The following SH2D4B variants were observed in gnomAD, a reference collection of about 807,000 sequenced individuals.
SH2D4B encodes the protein SH2 domain containing 4B.
A neutral mutation model predicts 61.5 loss-of-function variants in SH2D4B; 45 were observed. That is an observed-to-expected ratio of 0.73 (90% CI 0.58 to 0.94). SH2D4B has a LOEUF of 0.94. Among genes scored for constraint, SH2D4B ranks in the 40% least tolerant of loss-of-function variants. SH2D4B has a pLI of 0.00. For synonymous variants in SH2D4B, 224 were observed against 220.4 expected, an observed-to-expected ratio of 1.02 and a Z score of -0.14; for missense variants, 572 against 574.2, an observed-to-expected ratio of 1.00 and a Z score of 0.04.
intron 3 of SH2D4B, among the ~76,000 whole-genome samples, chr10:80,583,354 A>G (rs12258799): frequency 0.098 from 14,984 of 152,134 alleles, 856 homozygotes; most frequent in African/African-American, 0.17. Context: ...GATGAAATCA[A>G]CCAGGAAGTA....
chr10:80,539,858 T>C lies in SH2D4B; in HGVS notation c.184+1343T>C, dbSNP rs1448113510. ...ACACAGCAGGACCCTGCCGGGGAGG[T>C]TGGGGCAGAGCTGTGACTTGGCTGC... On this transcript the variant is annotated intron_variant, in intron 1 of 7. Coordinates refer to ENST00000646907, the MANE Select transcript of SH2D4B (RefSeq NM_001388272.1). The surrounding 1 kb of genome is among the most constrained non-coding windows in gnomAD (Gnocchi z 4.9). 6.6e-6 allele frequency among the ~76,000 whole-genome samples: 1 copy of C among 151,896 alleles called. No homozygotes were observed. Among genetic ancestry groups the C allele is most frequent in the Non-Finnish European group, 1.5e-5 (1 of 67,984 alleles).
chr10:80,595,132 C>T (rs1842371240), intron 4 of SH2D4B, among the ~76,000 whole-genome samples: 1 of 152,210 alleles, frequency 6.6e-6, no homozygotes, highest in Non-Finnish European at 1.5e-5. Context: ...TGCTTCTCAG[C>T]ATTGATGTCT....
intron 1 of SH2D4B, among the ~76,000 whole-genome samples, chr10:80,544,987 C>A (rs1336272959): frequency 2.0e-5 from 3 of 152,198 alleles, no homozygotes; most frequent in East Asian, 3.9e-4. Flanking sequence ...TCACTGGTCA[C>A]CCACTCGCAA....
intron 1 of SH2D4B, among the ~76,000 whole-genome samples, chr10:80,551,461 A>G (rs1841760714): frequency 1.3e-5 from 2 of 152,224 alleles, no homozygotes; most frequent in Admixed American, 1.3e-4. Flanking sequence ...CAGGCAAAGG[A>G]TTAGTATCCA....
At chr10:80,540,749 C>T (rs61861579) in intron 1 of SH2D4B, 4 of 1,407,530 alleles carry the variant, frequency 2.8e-6, no homozygotes, top group Non-Finnish European at 3.9e-6. Context: ...CAGTGCTTGT[C>T]CTGGAGACGG....
chr10:80,612,524 T>C (rs1589357577), intron 6 of SH2D4B, among the ~76,000 whole-genome samples: 1 of 152,270 alleles, frequency 6.6e-6, no homozygotes, highest in East Asian at 1.9e-4. Context: ...ACTGGAAGCA[T>C]GCCAGGCTCT....
rs189123897 is a variant in SH2D4B at position 80,566,787 on chromosome 10, C to T, written c.185-3367C>T. Among the ~76,000 whole-genome samples the T allele has an allele frequency of 9.9e-4, 150 of 152,260 alleles. 1 individual carries two copies. Among genetic ancestry groups the T allele is most frequent in the African/African-American group, 3.3e-3 (139 of 41,540 alleles). ...TGCTTTATCTTTTCCCCTTGCTTAG[C>T]AGGATTGGTAATCCTCTTATCATTT... On this transcript the variant is annotated intron_variant, in intron 1 of 7. Coordinates refer to ENST00000646907, the MANE Select transcript of SH2D4B (RefSeq NM_001388272.1).
chr10:80,639,773 A>T (rs1840256849), intron 7 of SH2D4B, among the ~76,000 whole-genome samples: 1 of 152,120 alleles, frequency 6.6e-6, no homozygotes, highest in Non-Finnish European at 1.5e-5. Flanking sequence ...CATTTAGTCC[A>T]TTTACATTTA....
chr10:80,634,748 G>A (rs1842877447), intron 7 of SH2D4B, among the ~76,000 whole-genome samples: 1 of 152,134 alleles, frequency 6.6e-6, no homozygotes, highest in African/African-American at 2.4e-5. Flanking sequence ...TGGTCCTCAG[G>A]CCTCTTCTCA....
At chr10:80,598,896 T>C (rs989190978) in intron 4 of SH2D4B, among the ~76,000 whole-genome samples, 3 of 152,122 alleles carry the variant, frequency 2.0e-5, no homozygotes, top group Non-Finnish European at 2.9e-5. Flanking sequence ...AAACTGGACA[T>C]TTATCATTGC....
At chr10:80,597,236 A>C (rs1275124698) in intron 4 of SH2D4B, among the ~76,000 whole-genome samples, 1 of 152,192 alleles carries the variant, frequency 6.6e-6, no homozygotes, top group Non-Finnish European at 1.5e-5. Flanking sequence ...ACAATTGTAC[A>C]TCAATTGAGC....
At chr10:80,595,355 C>T (rs890642305) in intron 4 of SH2D4B, among the ~76,000 whole-genome samples, 75 of 152,314 alleles carry the variant, frequency 4.9e-4, no homozygotes, top group African/African-American at 1.6e-3. Context: ...GCTGTCTTTG[C>T]TCTCCAAGCT....
At chr10:80,546,583 T>G (rs866540876) in intron 1 of SH2D4B, among the ~76,000 whole-genome samples, 1 of 150,902 alleles carries the variant, frequency 6.6e-6, no homozygotes, top group South Asian at 2.1e-4. Context: ...CGGACTGCAG[T>G]GGCGCTATCT....
chr10:80,572,982 A>ATG (rs1247462135), intron 3 of SH2D4B, among the ~76,000 whole-genome samples: 6 of 9,258 alleles, frequency 6.5e-4, no homozygotes, highest in Non-Finnish European at 1.1e-3. Flanking sequence ...ATATATATAT[A>ATG]TATATTTTTT....
chr10:80,542,398 C>CT (rs554328250), intron 1 of SH2D4B, among the ~76,000 whole-genome samples: 20,176 of 119,324 alleles, frequency 0.17, 1,595 homozygotes, highest in African/African-American at 0.28. Flanking sequence ...TCAGTTCTAT[C>CT]TTTTTTTTTT....
At chr10:80,550,247 C>T (rs1348881443) in intron 1 of SH2D4B, among the ~76,000 whole-genome samples, 3 of 152,156 alleles carry the variant, frequency 2.0e-5, no homozygotes, top group African/African-American at 7.2e-5. Flanking sequence ...CCCTCAGTGA[C>T]CTGGAAGATG....
chr10:80,586,476 C>G (rs1842250084), intron 3 of SH2D4B, among the ~76,000 whole-genome samples: 2 of 152,138 alleles, frequency 1.3e-5, no homozygotes, highest in Admixed American at 1.3e-4. Context: ...GTGAATGCAC[C>G]AATCGACACT....
chr10:80,572,967 TA>T (rs1842072153), intron 3 of SH2D4B, among the ~76,000 whole-genome samples: 8 of 8,846 alleles, frequency 9.0e-4, no homozygotes, highest in South Asian at 2.9e-3. Context: ...TATATATATA[TA>T]TATATATATA....
In SH2D4B at chr10:80,634,576, A is replaced by G; in HGVS notation, c.1209+71A>G. ...AAATTGGAGCTGAAGAGAGAGCTAG[A>G]GCAAGAGAAGCAAGGCTGCTGGCTC... is the stretch of plus-strand genomic sequence containing the variant. On this transcript the variant is annotated intron_variant, in intron 7 of 7. Coordinates refer to ENST00000646907, the MANE Select transcript of SH2D4B (RefSeq NM_001388272.1). 7 of 1,517,862 alleles carry G rather than the reference A, an allele frequency of 4.6e-6. No individual in the cohort carries two copies. In the South Asian group the frequency reaches 8.9e-5, roughly 19 times the overall value. The allele number at this position is 1,517,862 out of a possible 1,614,324, so 94.0% of individuals were successfully genotyped here.
Sources: gnomAD v4.1 joint callset for allele counts (sites outside exome capture counted in the v4.1 genomes callset) on GRCh38, gnomAD v4.1.1 for gene constraint, Gnocchi (gnomAD v3.1) non-coding constraint, MANE v1.5 for transcripts, NCBI Gene and HGNC (gene_info 2026-07-23, HGNC 2026-07-21) for gene names.